DNAI2: variants seen among roughly 807,000 people sequenced by gnomAD.
DNAI2 encodes the protein dynein axonemal intermediate chain 2.
Under a neutral mutation model 74.7 loss-of-function variants are expected in DNAI2, and 63 were observed. That is an observed-to-expected ratio of 0.84 (90% CI 0.69 to 1.04). The LOEUF (loss-of-function observed/expected upper bound fraction) is 1.04, where lower values mean the gene tolerates loss of function less well. Among genes scored for constraint, DNAI2 ranks in the 50% least tolerant of loss-of-function variants. The pLI, the probability that DNAI2 is intolerant of heterozygous loss-of-function variation, is 0.00. For synonymous variants in DNAI2, 289 were observed against 314.9 expected (o/e 0.92, Z 0.87); for missense variants, 688 against 803.2 (o/e 0.86, Z 1.73).
chr17:74,306,985 G>T (rs563785321), intron 9 of DNAI2, among the ~76,000 whole-genome samples: 3 of 152,298 alleles, frequency 2.0e-5, no homozygotes, highest in Admixed American at 1.3e-4. Flanking sequence ...AGAATCTTGG[G>T]CTTAGCCCAG....
At chr17:74,291,450 C>G (rs2143955650) in intron 6 of DNAI2, among the ~76,000 whole-genome samples, 1 of 152,322 alleles carries the variant, frequency 6.6e-6, no homozygotes, top group African/African-American at 2.4e-5. Flanking sequence ...AGGTGTGGGC[C>G]ACCACACCTG....
intron 2 of DNAI2, among the ~76,000 whole-genome samples, chr17:74,284,213 C>T (rs1317087363): frequency 1.6e-5 from 2 of 125,688 alleles, no homozygotes; most frequent in Non-Finnish European, 3.5e-5. Context: ...GAGTGAGAGA[C>T]CCTCTCTTAA....
intron 6 of DNAI2, among the ~76,000 whole-genome samples, chr17:74,292,238 G>T (rs924502355): frequency 1.3e-5 from 2 of 152,136 alleles, no homozygotes; most frequent in Non-Finnish European, 2.9e-5. Flanking sequence ...TTTATTGGAA[G>T]CTTAAAAGTT....
intron 2 of DNAI2, 122 bp downstream of exon 2, chr17:74,282,122 G>A: frequency 8.6e-7 from 1 of 1,161,996 alleles, no homozygotes; most frequent in Non-Finnish European, 1.2e-6. Context: ...TAGACCAAAT[G>A]CAGATGCTGG....
At chr17:74,278,101 C>A (rs1371632564) in intron 1 of DNAI2, among the ~76,000 whole-genome samples, 1 of 152,138 alleles carries the variant, frequency 6.6e-6, no homozygotes, top group Non-Finnish European at 1.5e-5. Flanking sequence ...AGAACTGTGA[C>A]CTTTGGCCCT....
In DNAI2 at chr17:74,282,179, C is replaced by T. The variant is rs183451667; in HGVS notation, c.183+179C>T. Among the ~76,000 whole-genome samples the T allele has an allele frequency of 2.0e-5, 3 of 152,302 alleles. No individual in the cohort carries two copies. In the East Asian group the frequency reaches 5.8e-4, roughly 29 times the overall value. ...CTGAGTTCCACGCAGTGCTCAGGGT[C>T]AGAGGAAGACCCAGCACCCGCCTTC... On this transcript the variant is annotated intron_variant, in intron 2 of 13. Transcript: ENST00000311014.
intron 12 of DNAI2, 47 bp from the exon 13 acceptor site, chr17:74,314,074 C>T (rs774540628): frequency 1.2e-6 from 2 of 1,611,298 alleles, no homozygotes; most frequent in Middle Eastern, 1.7e-4. Context: ...GTGGGGAAGG[C>T]CTGTCCCCTA....
intron 12 of DNAI2, 129 bp from the exon 13 acceptor site, chr17:74,313,992 C>T: frequency 1.3e-6 from 2 of 1,514,482 alleles, no homozygotes; most frequent in Non-Finnish European, 1.8e-6. Context: ...CACCCGGGTT[C>T]CAGGGTGCTC....
intron 8 of DNAI2, among the ~76,000 whole-genome samples, chr17:74,302,158 C>T (rs1415838135): frequency 1.3e-5 from 2 of 149,274 alleles, no homozygotes; most frequent in East Asian, 2.0e-4. Context: ...AGGCAAGGCG[C>T]CGTGGCTCAC....
At chr17:74,310,991 C>G (rs542506057) in intron 11 of DNAI2, among the ~76,000 whole-genome samples, 8 of 152,134 alleles carry the variant, frequency 5.3e-5, no homozygotes, top group African/African-American at 1.9e-4. Context: ...CCTCCCACCT[C>G]AGCCTCCTGA....
chr17:74,282,902 A>G (rs1386119694), intron 2 of DNAI2, among the ~76,000 whole-genome samples: 1 of 152,126 alleles, frequency 6.6e-6, no homozygotes, highest in East Asian at 1.9e-4. Flanking sequence ...AGTTCAAATG[A>G]ATTAGGTGCT....
At chr17:74,307,098 G>A (rs1029276164) in intron 9 of DNAI2, 1 of 360,334 alleles carries the variant, frequency 2.8e-6, no homozygotes, top group Non-Finnish European at 5.5e-6. Flanking sequence ...GGGTGGGAAC[G>A]CTGGCTGACA....
chr17:74,303,107 AG>A (rs2052958580), intron 8 of DNAI2, among the ~76,000 whole-genome samples: 1 of 152,160 alleles, frequency 6.6e-6, no homozygotes, highest in African/African-American at 2.4e-5. Context: ...TGATTTAATA[AG>A]CTTGTGCAGT....
At chr17:74,282,252 CTT>C (rs2051440446) in intron 2 of DNAI2, among the ~76,000 whole-genome samples, 1 of 152,138 alleles carries the variant, frequency 6.6e-6, no homozygotes, top group South Asian at 2.1e-4. Context: ...CCCAAGAGCT[CTT>C]GTTTCACCTC....
intron 1 of DNAI2, among the ~76,000 whole-genome samples, chr17:74,281,023 G>T (rs75433269): frequency 0.11 from 16,726 of 147,176 alleles, 1,115 homozygotes; most frequent in Non-Finnish European, 0.15. Context: ...GGGGGTTGAG[G>T]CTGCAGTGAG....
Position 74,301,862 on chromosome 17 carries a change from AGAAG to A in DNAI2, c.987+738_987+741del, listed in dbSNP as rs761320355. Among the ~76,000 whole-genome samples the A allele has an allele frequency of 8.9e-3, 602 of 67,306 alleles. 22 individuals carry two copies. Among genetic ancestry groups the A allele is most frequent in the East Asian group, 0.025 (49 of 1,974 alleles). The allele number at this position is 67,306 out of a possible 152,430, so 44.2% of individuals were successfully genotyped here. On this transcript the variant is annotated intron_variant, in intron 8 of 13. Coordinates refer to ENST00000311014, the MANE Select transcript of DNAI2 (RefSeq NM_023036.6). Reference sequence around the variant, plus strand: ...GAAAGAAAAGGAAAGAAGGAAGGAAAGAAGGAAGGAAGGAAGGAAGGAAGGAAGG... The same window carrying A: ...GAAAGAAAAGGAAAGAAGGAAGGAAAGAAGGAAGGAAGGAAGGAAGGAAGG...
chr17:74,286,482 G>A (rs1236471463), intron 3 of DNAI2, among the ~76,000 whole-genome samples: 1 of 151,942 alleles, frequency 6.6e-6, no homozygotes, highest in South Asian at 2.1e-4. Context: ...GTGCAGTGGC[G>A]TGATCTTGGG....
At chr17:74,304,910 C>T (rs1026372902) in intron 8 of DNAI2, among the ~76,000 whole-genome samples, 1 of 152,198 alleles carries the variant, frequency 6.6e-6, no homozygotes, top group Non-Finnish European at 1.5e-5. Context: ...ATCTTTATGG[C>T]CAAATGCATC....
intron 6 of DNAI2, among the ~76,000 whole-genome samples, chr17:74,294,845 TTCTC>T: frequency 6.6e-6 from 1 of 152,228 alleles, no homozygotes; most frequent in Admixed American, 6.5e-5. Flanking sequence ...TTCCTACCCT[TTCTC>T]TCTCTCCTCT....
Sources: gnomAD v4.1 joint callset for allele counts (sites outside exome capture counted in the v4.1 genomes callset) on GRCh38, gnomAD v4.1.1 for gene constraint, MANE v1.5 for transcripts, NCBI Gene and HGNC (gene_info 2026-07-23, HGNC 2026-07-21) for gene names.